Variants in LRSAM1 observed in about 807,000 individuals in gnomAD.
LRSAM1 encodes the protein E3 ubiquitin-protein ligase LRSAM1.
In LRSAM1, 96 loss-of-function variants were observed where a neutral mutation model predicts 118.1. The ratio of observed to expected loss-of-function variants is 0.81; its 90% CI spans 0.69 to 0.96. The LOEUF (loss-of-function observed/expected upper bound fraction) is 0.96, where lower values mean the gene tolerates loss of function less well. Ranked by LOEUF, LRSAM1 falls within the 40% of genes least tolerant of loss-of-function variation. The probability of loss-of-function intolerance (pLI) is 0.00; values close to 1 mark genes in which losing one functional copy is unlikely to be tolerated. For synonymous variants in LRSAM1, 322 were observed against 364.2 expected (o/e 0.88, Z 1.32); for missense variants, 804 against 915.5 (o/e 0.88, Z 1.57).
At chr9:127,463,198 CAA>C (rs35181083) in intron 9 of LRSAM1, among the ~76,000 whole-genome samples, 137 of 98,700 alleles carry the variant, frequency 1.4e-3, no homozygotes, top group African/African-American at 1.7e-3. Flanking sequence ...GACTTTGTCT[CAA>C]AAAAAAAAAA....
chr9:127,480,140 A>G (rs902328438), intron 14 of LRSAM1, among the ~76,000 whole-genome samples, 162 bp downstream of exon 14: 2 of 152,184 alleles, frequency 1.3e-5, no homozygotes, highest in Non-Finnish European at 2.9e-5. Flanking sequence ...CGTAGAGAGA[A>G]AAGAATCTGA....
chr9:127,489,299 C>G, intron 18 of LRSAM1, 145 bp from the exon 19 acceptor site: 1 of 959,432 alleles, frequency 1.0e-6, no homozygotes, highest in Non-Finnish European at 1.6e-6. Context: ...AAGGTTTACA[C>G]AAGTGAGGTG....
At chr9:127,462,408 C>T in intron 9 of LRSAM1, 35 bp downstream of exon 9, 1 of 1,613,208 alleles carries the variant, frequency 6.2e-7, no homozygotes, top group African/African-American at 1.3e-5. Flanking sequence ...GGGGTGCTCT[C>T]TGGCCTGCCC....
intron 10 of LRSAM1, among the ~76,000 whole-genome samples, chr9:127,468,355 T>C (rs1046471378): frequency 2.6e-5 from 4 of 151,730 alleles, no homozygotes; most frequent in African/African-American, 9.7e-5. Context: ...GGGGACCAGT[T>C]AGGAGGCTGT....
chr9:127,470,533 A>C, intron 10 of LRSAM1, among the ~76,000 whole-genome samples: 1 of 152,118 alleles, frequency 6.6e-6, no homozygotes, highest in East Asian at 1.9e-4. Context: ...ATGGAAATGC[A>C]TATGAATAAA....
At chr9:127,483,067 G>C in intron 16 of LRSAM1, 47 bp downstream of exon 16, 1 of 1,567,196 alleles carries the variant, frequency 6.4e-7, no homozygotes, top group Non-Finnish European at 8.8e-7. Flanking sequence ...CTGCTGGCTG[G>C]GCTGGCAGGG....
At chr9:127,501,185 C>A in intron 25 of LRSAM1, 42 bp downstream of exon 25, 3 of 1,604,956 alleles carry the variant, frequency 1.9e-6, no homozygotes, top group Non-Finnish European at 1.7e-6. Flanking sequence ...CTGCCTGTGG[C>A]CACCCTCCTC....
chr9:127,451,622 G>T lies in LRSAM1; in HGVS notation c.-236G>T. ...GTTCGCTCCGGAGAAGTCTGAGAAG[G>T]GTGGCTCCGGTGATCCCAGCCCTAG... On this transcript the variant is annotated 5_prime_UTR_variant, in exon 1 of 26. Transcript: ENST00000300417. The T allele has an allele frequency of 4.1e-6, 2 of 486,642 alleles. No homozygotes were observed. Among genetic ancestry groups the T allele is most frequent in the South Asian group, 2.6e-5 (1 of 37,912 alleles). The allele number at this position is 486,642 out of a possible 1,614,324, so 30.1% of individuals were successfully genotyped here.
intron 5 of LRSAM1, 118 bp downstream of exon 5, chr9:127,455,738 A>C (rs1362376455): frequency 1.6e-5 from 16 of 973,382 alleles, no homozygotes; most frequent in Non-Finnish European, 2.3e-5. Flanking sequence ...TCTGCTTCTT[A>C]TGCTCTTGGC....
At chr9:127,474,010 G>C in intron 11 of LRSAM1, 79 bp downstream of exon 11, 1 of 1,597,794 alleles carries the variant, frequency 6.3e-7, no homozygotes, top group Non-Finnish European at 8.5e-7. Context: ...AGCTGGGAAT[G>C]GAAGGGGGCG....
At chr9:127,496,229 C>T (rs1047731330) in intron 23 of LRSAM1, 134 bp downstream of exon 23, 1 of 1,299,262 alleles carries the variant, frequency 7.7e-7, no homozygotes, top group African/African-American at 1.5e-5. Flanking sequence ...CACCTTGCTT[C>T]CAGATGGCCA....
intron 19 of LRSAM1, 112 bp downstream of exon 19, chr9:127,489,630 C>A: frequency 8.3e-7 from 1 of 1,208,080 alleles, no homozygotes; most frequent in Non-Finnish European, 1.2e-6. Flanking sequence ...CCTTGGCTTG[C>A]TAGCCCAACA....
intron 11 of LRSAM1, among the ~76,000 whole-genome samples, chr9:127,477,134 C>A (rs966983748): frequency 1.3e-5 from 2 of 152,050 alleles, no homozygotes; most frequent in African/African-American, 2.4e-5. Flanking sequence ...AAATATATTT[C>A]TTTCCCAAAG....
At chr9:127,472,181 C>G (rs974420315) in intron 10 of LRSAM1, among the ~76,000 whole-genome samples, 5 of 150,284 alleles carry the variant, frequency 3.3e-5, no homozygotes, top group African/African-American at 1.2e-4. Context: ...AGGCTGGTCT[C>G]GAACTCCTGA....
chr9:127,461,164 C>T lies in LRSAM1; in HGVS notation c.322-9C>T, dbSNP rs1231191104. 9 of 1,608,140 alleles carry T rather than the reference C, an allele frequency of 5.6e-6. No individual in the cohort carries two copies. In the East Asian group the frequency reaches 2.0e-4, roughly 36 times the overall value. On this transcript the variant is annotated splice_polypyrimidine_tract_variant and intron_variant, in intron 7 of 25. Transcript: ENST00000300417. ...CCACTGCGCCTGGCTGCCTCTTCCT[C>T]TTTCTTAGGTCTTAAACGTGGAAAG...
intron 10 of LRSAM1, 108 bp from the exon 11 acceptor site, chr9:127,473,693 A>G: frequency 1.4e-6 from 2 of 1,469,160 alleles, no homozygotes; most frequent in Non-Finnish European, 1.9e-6. Flanking sequence ...AGAGGAGAGC[A>G]GTGGCTGAGT....
chr9:127,458,238 C>T (rs1336290698), intron 6 of LRSAM1, among the ~76,000 whole-genome samples: 5 of 151,952 alleles, frequency 3.3e-5, no homozygotes, highest in African/African-American at 1.2e-4. Context: ...AAAAATTAGC[C>T]GGGCGCGGTG....
chr9:127,468,810 CAAAAAAA>C (rs1185949155), intron 10 of LRSAM1, among the ~76,000 whole-genome samples: 88 of 16,430 alleles, frequency 5.4e-3, no homozygotes, highest in Middle Eastern at 0.028. Flanking sequence ...CCTGTCTCTA[CAAAAAAA>C]AAAAAAAAAA....
intron 25 of LRSAM1, among the ~76,000 whole-genome samples, chr9:127,501,518 G>A (rs1836392785): frequency 6.6e-6 from 1 of 152,130 alleles, no homozygotes; most frequent in Non-Finnish European, 1.5e-5. Context: ...GATCACCTGA[G>A]GTCAGGAGTT....
Sources: allele counts gnomAD v4.1 joint callset (sites outside exome capture counted in the v4.1 genomes callset), GRCh38; gene constraint gnomAD v4.1.1; transcripts MANE v1.5; gene names NCBI Gene and HGNC (gene_info 2026-07-23, HGNC 2026-07-21).